The following NFASC variants were observed in gnomAD, a reference collection of about 807,000 sequenced individuals.
NFASC encodes neurofascin.
A neutral mutation model predicts 147.5 loss-of-function variants in NFASC; 43 were observed. The ratio of observed to expected loss-of-function variants is 0.29; its 90% CI spans 0.23 to 0.38. NFASC has a LOEUF of 0.38. NFASC is among the 10% of genes least tolerant of loss of function. The pLI is 1.00. For missense variants in NFASC, 1,320 were observed against 1,689.0 expected, an observed-to-expected ratio of 0.78 and a Z score of 3.83; for synonymous variants, 622 against 665.5, an observed-to-expected ratio of 0.93 and a Z score of 1.01.
intron 1 of NFASC, among the ~76,000 whole-genome samples, chr1:204,834,032 A>G (rs992455120): frequency 6.6e-6 from 1 of 152,192 alleles, no homozygotes; most frequent in African/African-American, 2.4e-5. Flanking sequence ...GCCTCGAAGA[A>G]TTGGCAGAAT....
At chr1:204,876,749 G>A (rs1307070296) in intron 1 of NFASC, among the ~76,000 whole-genome samples, 1 of 151,900 alleles carries the variant, frequency 6.6e-6, no homozygotes, top group Non-Finnish European at 1.5e-5. Context: ...ATGTTGTCAA[G>A]GCTCATTATA....
intron 1 of NFASC, among the ~76,000 whole-genome samples, chr1:204,897,026 T>C (rs898782242): frequency 1.3e-5 from 2 of 152,136 alleles, no homozygotes; most frequent in Non-Finnish European, 2.9e-5. Flanking sequence ...TACCTGGAGC[T>C]TGTTAGAAAT....
chr1:204,917,180 C>G (rs1471265735), intron 1 of NFASC, among the ~76,000 whole-genome samples: 2 of 152,156 alleles, frequency 1.3e-5, no homozygotes, highest in Non-Finnish European at 2.9e-5. Flanking sequence ...TCGTGCCACT[C>G]TACTCCAGCC....
At chr1:204,967,290 C>A (rs2095008632) in intron 8 of NFASC, among the ~76,000 whole-genome samples, 1 of 152,164 alleles carries the variant, frequency 6.6e-6, no homozygotes, top group African/African-American at 2.4e-5. Flanking sequence ...AATTCTCGTT[C>A]TTTTCCCTTC....
At chr1:204,967,213 G>A (rs534548403) in intron 8 of NFASC, among the ~76,000 whole-genome samples, 2 of 152,220 alleles carry the variant, frequency 1.3e-5, no homozygotes, top group Admixed American at 6.5e-5. Context: ...TCCTATGTAC[G>A]ATCGTACACC....
At chr1:205,000,866 C>T (rs2150864751) in intron 25 of NFASC, 1 of 425,252 alleles carries the variant, frequency 2.4e-6, no homozygotes, top group Non-Finnish European at 4.3e-6. Context: ...TCTTTCATTC[C>T]TAACGCTACC....
chr1:204,990,369 TAA>T (rs2095699896), intron 23 of NFASC: 1 of 151,910 alleles, frequency 6.6e-6, no homozygotes, highest in Non-Finnish European at 1.5e-5. Flanking sequence ...AATAGATAGA[TAA>T]AGAGAGCCCC....
intron 2 of NFASC, among the ~76,000 whole-genome samples, chr1:204,937,366 A>T (rs1340997448): frequency 6.6e-6 from 1 of 152,186 alleles, no homozygotes; most frequent in African/African-American, 2.4e-5. Context: ...ATGGGTTTGG[A>T]CAAATGTATT....
At position 204,975,456 on chromosome 1, in the gene NFASC, G is replaced by A. The variant is rs1219671635; in HGVS notation, c.1706+38G>A. 6.3e-7 allele frequency: 1 copy of A among 1,588,072 alleles called. No individual in the cohort carries two copies. The highest frequency in any genetic ancestry group is 8.6e-7 in the Non-Finnish European group (1 of 1,160,668). ...CCTTCCCCCTTCCTAGTGCTAGTTT[G>A]AGGCGCATTTTCTTTTCCCTTGCTG... On this transcript the variant is annotated intron_variant, in intron 15 of 29. Transcript: ENST00000339876. This position sits in a 1 kb window ranked among gnomAD's most constrained non-coding sequence, Gnocchi z 4.0.
At chr1:204,850,565 C>G (rs569431664) in intron 1 of NFASC, among the ~76,000 whole-genome samples, 8 of 152,284 alleles carry the variant, frequency 5.3e-5, no homozygotes, top group African/African-American at 1.9e-4. Context: ...CAGACGTCCC[C>G]CTTGCTATTC....
chr1:204,876,996 G>GTGTATATATATATATATATA (rs1242156320), intron 1 of NFASC, among the ~76,000 whole-genome samples: 2 of 74,658 alleles, frequency 2.7e-5, no homozygotes, highest in African/African-American at 1.2e-4. Flanking sequence ...GGCTAAATAT[G>GTGTATATATATATATATATA]TATATATATA....
chr1:204,837,026 A>C (rs770554437), intron 1 of NFASC, among the ~76,000 whole-genome samples: 1 of 152,274 alleles, frequency 6.6e-6, no homozygotes, highest in Non-Finnish European at 1.5e-5. Flanking sequence ...TTATTTTACT[A>C]ATCAAGAAAT....
intron 15 of NFASC, among the ~76,000 whole-genome samples, 164 bp from the exon 16 acceptor site, chr1:204,976,505 CTG>C (rs1486540154): frequency 6.6e-6 from 1 of 152,176 alleles, no homozygotes; most frequent in Non-Finnish European, 1.5e-5. Flanking sequence ...CTCCAGGTGA[CTG>C]TGAAGACCTC....
At chr1:204,890,723 C>T (rs989429608) in intron 1 of NFASC, among the ~76,000 whole-genome samples, 2 of 152,194 alleles carry the variant, frequency 1.3e-5, no homozygotes, top group African/African-American at 2.4e-5. Context: ...GCGCCCACCA[C>T]CACACCTGGC....
chr1:204,839,025 G>T (rs1295954208), intron 1 of NFASC, among the ~76,000 whole-genome samples: 2 of 152,230 alleles, frequency 1.3e-5, no homozygotes, highest in Non-Finnish European at 2.9e-5. Flanking sequence ...GAACATGCTT[G>T]ATTTCCTGTG....
At chr1:204,943,633 C>G (rs922229054) in intron 2 of NFASC, among the ~76,000 whole-genome samples, 1 of 152,172 alleles carries the variant, frequency 6.6e-6, no homozygotes, top group African/African-American at 2.4e-5. Flanking sequence ...AACCCATGAT[C>G]CCCAGTCCTG....
At chr1:204,996,701 T>C (rs1307909636) in intron 24 of NFASC, among the ~76,000 whole-genome samples, 1 of 152,124 alleles carries the variant, frequency 6.6e-6, no homozygotes, top group Non-Finnish European at 1.5e-5. Context: ...TGGTTGGGAA[T>C]GGCAGGCCAC....
intron 1 of NFASC, among the ~76,000 whole-genome samples, chr1:204,910,947 A>G (rs4390233): frequency 0.21 from 32,474 of 151,930 alleles, 3,906 homozygotes; most frequent in East Asian, 0.43. Flanking sequence ...GCCTTATTCT[A>G]TTGGCTAGAA....
intron 3 of NFASC, chr1:204,948,731 T>C (rs577473680): frequency 1.9e-6 from 1 of 518,788 alleles, no homozygotes; most frequent in African/African-American, 1.9e-5. Flanking sequence ...TAGGGCTCTT[T>C]CCATTGAGTC....
Sources: gnomAD v4.1 joint callset for allele counts (sites outside exome capture counted in the v4.1 genomes callset) on GRCh38, gnomAD v4.1.1 for gene constraint, Gnocchi (gnomAD v3.1) non-coding constraint, MANE v1.5 for transcripts, NCBI Gene and HGNC (gene_info 2026-07-23, HGNC 2026-07-21) for gene names.